Variants in FBXL13 observed in about 807,000 individuals in gnomAD.
FBXL13 encodes F-box and leucine-rich repeat protein 13.
In FBXL13, 67 loss-of-function variants were observed where a neutral mutation model predicts 83.6. The ratio of observed to expected loss-of-function variants is 0.80; its 90% CI spans 0.66 to 0.98. The LOEUF (loss-of-function observed/expected upper bound fraction) is 0.98, where lower values mean the gene tolerates loss of function less well. Ranked by LOEUF, FBXL13 falls within the 50% of genes least tolerant of loss-of-function variation. The pLI is 0.00. For synonymous variants in FBXL13, 272 were observed against 299.5 expected, an observed-to-expected ratio of 0.91 and a Z score of 0.95; for missense variants, 822 against 866.5, an observed-to-expected ratio of 0.95 and a Z score of 0.64.
chr7:103,027,349 C>G (rs1400697330), intron 5 of FBXL13, 100 bp downstream of exon 6: 1 of 704,408 alleles, frequency 1.4e-6, no homozygotes, highest in Non-Finnish European at 2.3e-6. Context: ...AGATAATATT[C>G]AGGATTTTAG....
At chr7:102,944,214 T>G (rs1235652924) in intron 8 of FBXL13, 2 of 1,600,000 alleles carry the variant, frequency 1.3e-6, no homozygotes, top group Non-Finnish European at 1.7e-6. Flanking sequence ...TTCCAGCCGC[T>G]TTTTTAGGGC....
intron 10 of FBXL13, among the ~76,000 whole-genome samples, chr7:102,917,231 A>G (rs1816071019): frequency 6.6e-6 from 1 of 152,178 alleles, no homozygotes; most frequent in Non-Finnish European, 1.5e-5. Context: ...TGTCTGCCCC[A>G]CTTTGATAGG....
chr7:102,939,625 G>A, intron 8 of FBXL13: 1 of 1,549,110 alleles, frequency 6.5e-7, no homozygotes, highest in Non-Finnish European at 8.7e-7. Context: ...GGTGGCAAGT[G>A]TTCTGTGATT....
chr7:102,969,235 C>G (rs1300259624), intron 6 of FBXL13, among the ~76,000 whole-genome samples: 2 of 152,054 alleles, frequency 1.3e-5, no homozygotes, highest in African/African-American at 2.4e-5. Context: ...TGTACATTTT[C>G]TATGTTTAAA....
At chr7:103,035,057 C>G (rs1361650645) in intron 2 of FBXL13, among the ~76,000 whole-genome samples, 1 of 152,170 alleles carries the variant, frequency 6.6e-6, no homozygotes, top group East Asian at 1.9e-4. Flanking sequence ...GAGTTATTAG[C>G]AGTCTTCAGA....
chr7:102,861,624 A>G (rs1806845989), intron 16 of FBXL13, among the ~76,000 whole-genome samples: 1 of 152,220 alleles, frequency 6.6e-6, no homozygotes. Context: ...TTCTGCAAAC[A>G]TGAGAAGTGT....
chr7:102,854,071 T>C (rs369003528), intron 17 of FBXL13, among the ~76,000 whole-genome samples: 3 of 152,182 alleles, frequency 2.0e-5, no homozygotes, highest in South Asian at 2.1e-4. Context: ...CACATGCACA[T>C]GTATGTTTAT....
chr7:102,973,697 A>G (rs1351892728), intron 6 of FBXL13: 1 of 766,280 alleles, frequency 1.3e-6, no homozygotes, highest in Non-Finnish European at 2.4e-6. Context: ...AGGCCACAGC[A>G]GCCGGACAAA....
At chr7:103,009,628 A>G (rs1791377385) in intron 6 of FBXL13, among the ~76,000 whole-genome samples, 1 of 152,168 alleles carries the variant, frequency 6.6e-6, no homozygotes, top group South Asian at 2.1e-4. Flanking sequence ...GCCCTGGAGC[A>G]GACCAGCACC....
Position 102,854,850 on chromosome 7 carries a change from ACATT to A in FBXL13, c.1642_1645del (p.Asn548CysfsTer8), listed in dbSNP as rs1805802851. The A allele has an allele frequency of 3.2e-6, 5 of 1,565,306 alleles. No homozygotes were observed. The highest frequency in any genetic ancestry group is 1.8e-5 in the Admixed American group (1 of 56,938). On this transcript the variant is annotated frameshift_variant, in exon 17 of 20. Transcript: ENST00000313221. LOFTEE classifies it high-confidence loss of function. ...CTTCAATTTTTTATGTCTGGAAAGC[ACATT>A]CAAACCCTAAAAATATTTAATATAA...
At chr7:102,920,438 C>G (rs1029595949) in intron 10 of FBXL13, among the ~76,000 whole-genome samples, 1 of 151,956 alleles carries the variant, frequency 6.6e-6, no homozygotes, top group Non-Finnish European at 1.5e-5. Flanking sequence ...GCAGCCTCAA[C>G]CTCTGTGCTC....
intron 2 of FBXL13, among the ~76,000 whole-genome samples, chr7:103,042,680 T>C (rs1795850516): frequency 1.3e-5 from 2 of 152,142 alleles, no homozygotes; most frequent in African/African-American, 4.8e-5. Flanking sequence ...TCTACAACCA[T>C]CTGATCTTTG....
At chr7:103,019,712 T>C (rs1220865412) in intron 6 of FBXL13, among the ~76,000 whole-genome samples, 5 of 152,154 alleles carry the variant, frequency 3.3e-5, no homozygotes, top group Non-Finnish European at 7.3e-5. Context: ...GCAAATAAAC[T>C]AGAAAATCTA....
chr7:102,844,174 C>T (rs1241304547), intron 17 of FBXL13, among the ~76,000 whole-genome samples: 1 of 152,182 alleles, frequency 6.6e-6, no homozygotes, highest in African/African-American at 2.4e-5. Context: ...GATGAACTGT[C>T]TCTGTTAGAG....
intron 2 of FBXL13, among the ~76,000 whole-genome samples, chr7:103,036,704 G>A (rs1232361687): frequency 6.6e-6 from 1 of 152,036 alleles, no homozygotes; most frequent in African/African-American, 2.4e-5. Context: ...TAGAAATGGG[G>A]TTTCACCATG....
intron 6 of FBXL13, among the ~76,000 whole-genome samples, chr7:102,979,526 T>G (rs1376143081): frequency 6.6e-6 from 1 of 152,200 alleles, no homozygotes; most frequent in Non-Finnish European, 1.5e-5. Context: ...TGGACATCTT[T>G]GTAGGGGGTG....
chr7:103,065,815 C>T (rs1297234440), intron 1 of FBXL13, among the ~76,000 whole-genome samples: 1 of 152,200 alleles, frequency 6.6e-6, no homozygotes, highest in Non-Finnish European at 1.5e-5. Context: ...TGGTCCAAGG[C>T]TTGGTGAACA....
chr7:103,050,205 TAA>T (rs773008254), intron 2 of FBXL13: 9 of 152,128 alleles, frequency 5.9e-5, no homozygotes, highest in Non-Finnish European at 1.2e-4. Context: ...ACACGGGAGA[TAA>T]GAGTAATTTT....
At chr7:102,940,784 G>A (rs1339789877) in intron 8 of FBXL13, among the ~76,000 whole-genome samples, 1 of 152,188 alleles carries the variant, frequency 6.6e-6, no homozygotes, top group Non-Finnish European at 1.5e-5. Context: ...GATTTGGAAA[G>A]AACTGAGAAT....
Sources: gnomAD v4.1 joint callset for allele counts (sites outside exome capture counted in the v4.1 genomes callset) on GRCh38, gnomAD v4.1.1 for gene constraint, MANE v1.5 for transcripts, NCBI Gene and HGNC (gene_info 2026-07-23, HGNC 2026-07-21) for gene names.